BAZ1B: variants seen among roughly 807,000 people sequenced by gnomAD.
BAZ1B encodes the protein tyrosine-protein kinase BAZ1B.
A neutral mutation model predicts 153.8 loss-of-function variants in BAZ1B; 22 were observed. The ratio of observed to expected loss-of-function variants is 0.14; its 90% CI spans 0.10 to 0.20. The LOEUF (loss-of-function observed/expected upper bound fraction) is 0.20. BAZ1B is among the 10% of genes least tolerant of loss of function. BAZ1B has a pLI of 1.00. For missense variants in BAZ1B, 1,325 were observed against 1,799.3 expected, an observed-to-expected ratio of 0.74 and a Z score of 4.77; for synonymous variants, 676 against 633.4, an observed-to-expected ratio of 1.07 and a Z score of -1.01.
In BAZ1B at chr7:73,478,435, C is replaced by G; in HGVS notation, c.1026G>C (p.Leu342Phe). The G allele has an allele frequency of 6.2e-7, 1 of 1,613,204 alleles. No homozygotes were observed. The highest frequency in any genetic ancestry group is 8.5e-7 in the Non-Finnish European group (1 of 1,179,672). Residue 342 changes from leucine to phenylalanine, a missense_variant, in exon 7 of 20, where the codon TTG (leucine) becomes TTC (phenylalanine). Physicochemically the swap from Leu to Phe is conservative, Grantham distance 22. Around this residue, in one of 9 missense-constraint regions of BAZ1B, gnomAD observed 219 missense variants for 248.2 expected, o/e 0.88. Coordinates refer to ENST00000339594, the MANE Select transcript of BAZ1B (RefSeq NM_032408.4). ...GTGGCGAGCCACTCAATGACTTCTT[C>G]AAGTGTACGTGACACCATAACTTAG... ...LNPKLWCHVHLKKSLSGSPLK... is the reference protein window; with the variant it reads ...LNPKLWCHVHFKKSLSGSPLK...
rs1790008275 is a variant in BAZ1B, at chr7:73,498,591, T to C, written c.477A>G (p.Pro159=). ...GACTGGAGTTCTCTTTGTCACTTGA[T>C]GGAGAATCACAGGCACCATCAGATT... ...EKKSDGACDS[P]SSDKENSSQI... Residue 159 remains proline, a synonymous_variant, in exon 4 of 20, where the codon CCA becomes CCG. Transcript: ENST00000339594. 1 of 1,614,108 alleles carries C rather than the reference T, an allele frequency of 6.2e-7. No individual in the cohort carries two copies. The highest frequency in any genetic ancestry group is 8.5e-7 in the Non-Finnish European group (1 of 1,179,982).
At position 73,440,878 on chromosome 7, in the gene BAZ1B, T is replaced by G. The variant is rs1184002377; in HGVS notation, c.*831A>C. 1 of 152,638 alleles carries G rather than the reference T, an allele frequency of 6.6e-6. No individual in the cohort carries two copies. The highest frequency in any genetic ancestry group is 1.5e-5 in the Non-Finnish European group (1 of 68,048). 9.5% of individuals were successfully genotyped at this position (152,638 alleles called of 1,614,324 possible). ...GTGATAAAAAAGAAAAACCCTGTTTTGTACTTTTATCAAAATCCATCATAA... is the reference window on the plus strand; with the variant it reads ...GTGATAAAAAAGAAAAACCCTGTTTGGTACTTTTATCAAAATCCATCATAA... On this transcript the variant is annotated 3_prime_UTR_variant, in exon 20 of 20. Coordinates refer to ENST00000339594, the MANE Select transcript of BAZ1B (RefSeq NM_032408.4).
intron 1 of BAZ1B, among the ~76,000 whole-genome samples, chr7:73,514,775 G>C (rs1790728104): frequency 6.6e-6 from 1 of 151,912 alleles, no homozygotes; most frequent in Non-Finnish European, 1.5e-5. Flanking sequence ...GCAACAGAGG[G>C]AGACTGTCTA....
chr7:73,505,739 T>C (rs1012874164), intron 3 of BAZ1B, among the ~76,000 whole-genome samples: 4 of 152,118 alleles, frequency 2.6e-5, no homozygotes, highest in Non-Finnish European at 5.9e-5. Context: ...TTTGGAGAGA[T>C]AGGGTATCGC....
chr7:73,505,930 G>A (rs369343644), intron 3 of BAZ1B, among the ~76,000 whole-genome samples: 12 of 152,094 alleles, frequency 7.9e-5, no homozygotes, highest in African/African-American at 2.4e-4. Context: ...GCTACATAAC[G>A]GCTGAAAGCA....
intron 16 of BAZ1B, 81 bp downstream of exon 16, chr7:73,447,183 C>T: frequency 1.2e-6 from 2 of 1,610,494 alleles, no homozygotes; most frequent in East Asian, 4.5e-5. Flanking sequence ...GGCCACACTA[C>T]CTACTGCCAA....
At chr7:73,454,711 C>T (rs1383790043) in intron 13 of BAZ1B, among the ~76,000 whole-genome samples, 10 of 152,340 alleles carry the variant, frequency 6.6e-5, no homozygotes, top group Admixed American at 1.3e-4. Flanking sequence ...ATCCTCTCTT[C>T]CCTCTGGTAA....
At chr7:73,479,176 G>T (rs1441620523) in intron 6 of BAZ1B, among the ~76,000 whole-genome samples, 1 of 151,852 alleles carries the variant, frequency 6.6e-6, no homozygotes, top group Non-Finnish European at 1.5e-5. Context: ...CTCCTGACCT[G>T]GGCCTCAAAC....
intron 3 of BAZ1B, among the ~76,000 whole-genome samples, chr7:73,500,543 CAAAATA>C (rs1292221348): frequency 5.9e-5 from 9 of 151,686 alleles, no homozygotes; most frequent in East Asian, 1.9e-4. Flanking sequence ...CCTTATCTCA[CAAAATA>C]AAAATAAAAA....
At chr7:73,473,089 G>T (rs975771420) in intron 7 of BAZ1B, among the ~76,000 whole-genome samples, 1 of 152,096 alleles carries the variant, frequency 6.6e-6, no homozygotes, top group African/African-American at 2.4e-5. Flanking sequence ...TTACAGGCAT[G>T]CGCCACCATG....
chr7:73,509,276 C>G (rs546606070), intron 2 of BAZ1B, among the ~76,000 whole-genome samples: 31 of 152,214 alleles, frequency 2.0e-4, no homozygotes, highest in Non-Finnish European at 1.5e-4. Flanking sequence ...GAGCCAAGAT[C>G]ACACCATTGC....
At chr7:73,496,056 C>A (rs1179891449) in intron 4 of BAZ1B, among the ~76,000 whole-genome samples, 1 of 152,008 alleles carries the variant, frequency 6.6e-6, no homozygotes, top group Non-Finnish European at 1.5e-5. Flanking sequence ...CCAACACAGG[C>A]CAAGAAGAAA....
intron 2 of BAZ1B, 51 bp from the exon 3 acceptor site, chr7:73,508,522 G>C (rs376385598): frequency 6.6e-7 from 1 of 1,524,562 alleles, no homozygotes; most frequent in African/African-American, 1.4e-5. Context: ...CCTACCCAGA[G>C]ATTTAATTCA....
At chr7:73,517,555 C>G (rs1030345989) in intron 1 of BAZ1B, among the ~76,000 whole-genome samples, 27 of 151,958 alleles carry the variant, frequency 1.8e-4, no homozygotes, top group Admixed American at 2.6e-4. Context: ...AATGAAAAGG[C>G]AAAAAGGCCC....
At chr7:73,519,743 T>C (rs1236997441) in intron 1 of BAZ1B, among the ~76,000 whole-genome samples, 1 of 152,132 alleles carries the variant, frequency 6.6e-6, no homozygotes, top group Admixed American at 6.6e-5. Context: ...ACTTAGAAAT[T>C]GTCTCTTCTC....
intron 13 of BAZ1B, 53 bp from the exon 14 acceptor site, chr7:73,451,047 G>A (rs1583887278): frequency 9.4e-6 from 15 of 1,593,852 alleles, no homozygotes; most frequent in Non-Finnish European, 1.3e-5. Context: ...AAGACACTGA[G>A]AGAGAACTAG....
At chr7:73,488,543 C>T (rs1201174953) in intron 6 of BAZ1B, among the ~76,000 whole-genome samples, 2 of 151,858 alleles carry the variant, frequency 1.3e-5, no homozygotes, top group South Asian at 4.1e-4. Flanking sequence ...ACTAGCCTGG[C>T]CAACACGGCA....
intron 13 of BAZ1B, among the ~76,000 whole-genome samples, chr7:73,453,311 T>C (rs1292012105): frequency 2.6e-5 from 4 of 152,266 alleles, no homozygotes; most frequent in Admixed American, 2.6e-4. Context: ...TTATGTACTG[T>C]GTCTGGACCT....
Position 73,450,817 on chromosome 7 carries a change from C to A in BAZ1B, c.3580+30G>T, listed in dbSNP as rs781999389. 2.5e-6 allele frequency: 4 copies of A among 1,610,542 alleles called. No individual in the cohort carries two copies. In the African/African-American group the frequency reaches 5.3e-5, roughly 22 times the overall value. Reference sequence around the variant, plus strand: ...AATAGAAATCCTACTCCCTAATATACCCACATAAGCAAATTTGATTTAAAT... The same window carrying A: ...AATAGAAATCCTACTCCCTAATATAACCACATAAGCAAATTTGATTTAAAT... On this transcript the variant is annotated intron_variant, in intron 14 of 19. Transcript: ENST00000339594. This position sits in a 1 kb window ranked among gnomAD's most constrained non-coding sequence, Gnocchi z 4.1.
Sources: allele counts gnomAD v4.1 joint callset (sites outside exome capture counted in the v4.1 genomes callset), GRCh38; gene constraint gnomAD v4.1.1; regional missense constraint gnomAD v4.1.1; non-coding constraint Gnocchi (gnomAD v3.1); transcripts MANE v1.5; gene names NCBI Gene and HGNC (gene_info 2026-07-23, HGNC 2026-07-21).